The following MAGI2 variants were observed in gnomAD, a reference collection of about 807,000 sequenced individuals.
MAGI2 encodes the protein membrane-associated guanylate kinase, WW and PDZ domain-containing protein 2.
MAGI2 carries 35 observed loss-of-function variants against 133.3 expected under a neutral mutation model. That is an observed-to-expected ratio of 0.26 (90% CI 0.20 to 0.35). The LOEUF is 0.35. Among genes scored for constraint, MAGI2 ranks in the 10% least tolerant of loss-of-function variants. The pLI, the probability that MAGI2 is intolerant of heterozygous loss-of-function variation, is 1.00. For synonymous variants in MAGI2, 729 were observed against 710.6 expected (o/e 1.03, Z -0.41); for missense variants, 1,636 against 1,863.4 (o/e 0.88, Z 2.25).
intron 1 of MAGI2, among the ~76,000 whole-genome samples, chr7:79,347,540 A>T (rs1342642882): frequency 2.0e-5 from 3 of 151,770 alleles, no homozygotes; most frequent in Admixed American, 1.3e-4. Context: ...TATGTTACAC[A>T]CGAATTATCT....
At chr7:78,379,228 CCAAA>C (rs1300556423) in intron 6 of MAGI2, among the ~76,000 whole-genome samples, 1 of 151,830 alleles carries the variant, frequency 6.6e-6, no homozygotes, top group Non-Finnish European at 1.5e-5. Context: ...AGAGTTCAAA[CCAAA>C]CATAGAATTG....
intron 6 of MAGI2, among the ~76,000 whole-genome samples, chr7:78,473,330 A>G (rs1294669058): frequency 3.9e-5 from 6 of 152,084 alleles, no homozygotes; most frequent in African/African-American, 1.2e-4. Flanking sequence ...TTGAATCTAC[A>G]GATTTTTTTG....
chr7:78,438,051 T>C (rs968415466), intron 6 of MAGI2, among the ~76,000 whole-genome samples: 1 of 152,132 alleles, frequency 6.6e-6, no homozygotes, highest in Non-Finnish European at 1.5e-5. Context: ...GATACTTTGT[T>C]CCCTTCATCC....
At chr7:79,166,302 G>C (rs547468582) in intron 1 of MAGI2, among the ~76,000 whole-genome samples, 5 of 152,150 alleles carry the variant, frequency 3.3e-5, no homozygotes, top group Non-Finnish European at 7.4e-5. Flanking sequence ...CCACTGAAGA[G>C]AGAGATTGTC....
At chr7:78,609,268 C>G (rs995395505) in intron 3 of MAGI2, among the ~76,000 whole-genome samples, 5 of 152,288 alleles carry the variant, frequency 3.3e-5, no homozygotes, top group African/African-American at 1.2e-4. Flanking sequence ...TTAACCATCA[C>G]AAGTCCACTC....
intron 2 of MAGI2, among the ~76,000 whole-genome samples, chr7:78,776,173 T>C (rs554772274): frequency 3.3e-5 from 5 of 152,260 alleles, no homozygotes; most frequent in African/African-American, 1.2e-4. Context: ...TTAATTATTA[T>C]TTTATTACCA....
chr7:79,327,306 G>T (rs947623196), intron 1 of MAGI2, among the ~76,000 whole-genome samples: 1 of 152,144 alleles, frequency 6.6e-6, no homozygotes, highest in Non-Finnish European at 1.5e-5. Context: ...AATATGGGTA[G>T]CATATAAACT....
chr7:78,285,052 G>C (rs1054554865), intron 9 of MAGI2, among the ~76,000 whole-genome samples: 5 of 152,062 alleles, frequency 3.3e-5, no homozygotes, highest in African/African-American at 1.2e-4. Flanking sequence ...TTTAACAGCC[G>C]GTGAGTAACT....
At chr7:78,108,106 CTT>C (rs1818884651) in intron 20 of MAGI2, among the ~76,000 whole-genome samples, 1 of 152,118 alleles carries the variant, frequency 6.6e-6, no homozygotes, top group East Asian at 1.9e-4. Context: ...GATGCAGGCA[CTT>C]ATTGCTATAA....
intron 1 of MAGI2, among the ~76,000 whole-genome samples, chr7:79,341,029 A>G (rs1476704151): frequency 6.6e-6 from 1 of 152,138 alleles, no homozygotes; most frequent in Non-Finnish European, 1.5e-5. Flanking sequence ...ATAGCCAGTG[A>G]ACTTGACCAT....
chr7:78,674,680 G>T (rs1465421432), intron 2 of MAGI2, among the ~76,000 whole-genome samples: 1 of 152,004 alleles, frequency 6.6e-6, no homozygotes, highest in Non-Finnish European at 1.5e-5. Flanking sequence ...TCAAATTATT[G>T]TACAGAGAAT....
intron 9 of MAGI2, among the ~76,000 whole-genome samples, chr7:78,275,197 G>A (rs887997123): frequency 3.3e-5 from 5 of 152,054 alleles, no homozygotes; most frequent in Non-Finnish European, 5.9e-5. Context: ...TTGGGAAGGG[G>A]AGAGAATTCC....
intron 2 of MAGI2, among the ~76,000 whole-genome samples, chr7:78,864,050 A>G (rs866423122): frequency 2.6e-4 from 40 of 152,242 alleles, no homozygotes; most frequent in South Asian, 1.0e-3. Context: ...AATCATGCCA[A>G]ACATTCAATC....
At chr7:79,090,697 T>G (rs896702570) in intron 1 of MAGI2, among the ~76,000 whole-genome samples, 3 of 152,180 alleles carry the variant, frequency 2.0e-5, no homozygotes, top group African/African-American at 7.2e-5. Flanking sequence ...TTACAGCTGA[T>G]AGATGACAAT....
chr7:78,932,266 T>C (rs1391304955), intron 2 of MAGI2, among the ~76,000 whole-genome samples: 4 of 152,096 alleles, frequency 2.6e-5, no homozygotes, highest in Non-Finnish European at 4.4e-5. Context: ...AAAGATATTG[T>C]TGATAATGTC....
chr7:78,097,411 C>T (rs1817803983), intron 20 of MAGI2, among the ~76,000 whole-genome samples: 1 of 152,130 alleles, frequency 6.6e-6, no homozygotes, highest in Admixed American at 6.6e-5. Context: ...ATGGAATCTA[C>T]CTAAATGCCC....
At chr7:78,887,669 A>G (rs1222017371) in intron 2 of MAGI2, among the ~76,000 whole-genome samples, 1 of 152,208 alleles carries the variant, frequency 6.6e-6, no homozygotes, top group East Asian at 1.9e-4. Context: ...TCATCTCTGC[A>G]ATATAATTAT....
At chr7:78,070,198 T>C (rs1393995830) in intron 21 of MAGI2, among the ~76,000 whole-genome samples, 2,936 of 33,892 alleles carry the variant, frequency 0.087, 198 homozygotes, top group African/African-American at 0.18. Context: ...TATATATATA[T>C]ATATATATAT....
At chr7:79,103,271 C>T (rs566054188) in intron 1 of MAGI2, among the ~76,000 whole-genome samples, 2 of 152,266 alleles carry the variant, frequency 1.3e-5, no homozygotes, top group South Asian at 4.1e-4. Flanking sequence ...AGACTCTTAT[C>T]CAACTAGAGG....
Sources: gnomAD v4.1 joint callset for allele counts (sites outside exome capture counted in the v4.1 genomes callset) on GRCh38, gnomAD v4.1.1 for gene constraint, MANE v1.5 for transcripts, NCBI Gene and HGNC (gene_info 2026-07-23, HGNC 2026-07-21) for gene names.